Variants in ARIH1 observed in about 807,000 individuals in gnomAD.
ARIH1 encodes the protein ariadne RBR E3 ubiquitin protein ligase 1.
Under a neutral mutation model 85.0 loss-of-function variants are expected in ARIH1, and 8 were observed. The ratio of observed to expected loss-of-function variants is 0.09; its 90% CI spans 0.06 to 0.17. The LOEUF (loss-of-function observed/expected upper bound fraction) is 0.17. Among genes scored for constraint, ARIH1 ranks in the 10% least tolerant of loss-of-function variants. The pLI is 1.00. For synonymous variants in ARIH1, 238 were observed against 253.6 expected, an observed-to-expected ratio of 0.94 and a Z score of 0.59; for missense variants, 311 against 718.1, an observed-to-expected ratio of 0.43 and a Z score of 6.48.
rs977766391 is a variant in ARIH1 at position 72,587,926 on chromosome 15, A to G, written c.*4634A>G. On this transcript the variant is annotated 3_prime_UTR_variant, in exon 14 of 14. Coordinates refer to ENST00000379887, the MANE Select transcript of ARIH1 (RefSeq NM_005744.5). ...GCGGTAGCATTTAGGATGGGAAAAA[A>G]TAATATGAGTTATGTGCGAAAAGCA... The G allele has an allele frequency of 6.6e-6, 1 of 152,178 alleles. No homozygotes were observed. Among genetic ancestry groups the G allele is most frequent in the Non-Finnish European group, 1.5e-5 (1 of 68,040 alleles). 9.4% of individuals were successfully genotyped at this position (152,178 alleles called of 1,614,324 possible).
At chr15:72,506,759 G>A (rs1053187721) in intron 1 of ARIH1, among the ~76,000 whole-genome samples, 7 of 152,096 alleles carry the variant, frequency 4.6e-5, no homozygotes, top group South Asian at 2.1e-4. Flanking sequence ...TTTAATTCTC[G>A]TTCAGATCAA....
chr15:72,474,667 G>A lies in ARIH1; in HGVS notation c.28G>A (p.Glu10Lys). Residue 10 changes from glutamate to lysine, a missense_variant, in exon 1 of 14, where the codon GAG becomes AAG. Glu to Lys is a moderately conservative substitution (Grantham distance 56, BLOSUM62 1). Coordinates refer to ENST00000379887, the MANE Select transcript of ARIH1 (RefSeq NM_005744.5). MDSDEGYNY[E>K]FDEDEECSEE... is the part of the protein sequence containing the mutation. Reference sequence around the variant, plus strand: ...GGACTCGGACGAGGGCTACAACTACGAGTTCGACGAGGACGAGGAGTGCAG... The same window carrying A: ...GGACTCGGACGAGGGCTACAACTACAAGTTCGACGAGGACGAGGAGTGCAG... 3 of 1,558,286 alleles carry A rather than the reference G, an allele frequency of 1.9e-6. No individual in the cohort carries two copies. The highest frequency in any genetic ancestry group is 2.6e-6 in the Non-Finnish European group (3 of 1,153,732).
chr15:72,500,630 A>G (rs965934165), intron 1 of ARIH1, among the ~76,000 whole-genome samples: 13 of 152,236 alleles, frequency 8.5e-5, no homozygotes, highest in African/African-American at 2.9e-4. Flanking sequence ...TAAAATAATG[A>G]TAAGTTATGG....
At chr15:72,494,454 G>T (rs1567338988) in intron 1 of ARIH1, among the ~76,000 whole-genome samples, 1 of 152,154 alleles carries the variant, frequency 6.6e-6, no homozygotes, top group Non-Finnish European at 1.5e-5. Context: ...AGGAATGGAA[G>T]AAGTTGTGGT....
intron 1 of ARIH1, among the ~76,000 whole-genome samples, chr15:72,483,125 G>A (rs942385888): frequency 1.4e-4 from 21 of 152,138 alleles, no homozygotes; most frequent in Admixed American, 5.2e-4. Context: ...GCCTCCTAAA[G>A]TGCTGGGATT....
rs558463978 is a variant in ARIH1, at chr15:72,583,567, C to T, written c.*275C>T. 38 of 337,538 alleles carry T rather than the reference C, an allele frequency of 1.1e-4. No homozygotes were observed. The highest frequency in any genetic ancestry group is 8.2e-4 in the Middle Eastern group (1 of 1,226). The allele number at this position is 337,538 out of a possible 1,614,324, so 20.9% of individuals were successfully genotyped here. A position where few individuals can be genotyped will look rare whatever the true frequency, so the allele number is the denominator to read the frequency against. On this transcript the variant is annotated 3_prime_UTR_variant, in exon 14 of 14. Transcript: ENST00000379887. The stretch of plus-strand genomic sequence containing the variant: ...TTAACTTGTAACGTAGCTTCATTCT[C>T]AAAGCTGACTCCTTTTTTTTCTTTT...
intron 2 of ARIH1, among the ~76,000 whole-genome samples, chr15:72,522,342 C>G (rs1272417743): frequency 6.6e-6 from 1 of 152,076 alleles, no homozygotes; most frequent in Non-Finnish European, 1.5e-5. Context: ...GGTGAAACCC[C>G]ATCTTTACTA....
chr15:72,570,376 C>A, intron 10 of ARIH1, 69 bp downstream of exon 10: 1 of 1,577,394 alleles, frequency 6.3e-7, no homozygotes, highest in South Asian at 1.1e-5. Context: ...AATAACATTT[C>A]TACCTCATAG....
chr15:72,508,625 C>T (rs79377524), intron 1 of ARIH1, among the ~76,000 whole-genome samples: 10 of 151,890 alleles, frequency 6.6e-5, no homozygotes, highest in East Asian at 5.8e-4. Flanking sequence ...GCATTGTGCC[C>T]GGCACTAAAT....
intron 2 of ARIH1, among the ~76,000 whole-genome samples, chr15:72,535,235 G>C (rs940915478): frequency 5.9e-5 from 9 of 152,100 alleles, no homozygotes; most frequent in Non-Finnish European, 8.8e-5. Flanking sequence ...ACAGGCGTGA[G>C]CCACCGCGCC....
At chr15:72,480,411 G>A (rs1176244400) in intron 1 of ARIH1, among the ~76,000 whole-genome samples, 9 of 151,668 alleles carry the variant, frequency 5.9e-5, no homozygotes, top group African/African-American at 1.9e-4. Flanking sequence ...ACAGGCACGC[G>A]CCACCACACC....
At chr15:72,475,206 G>T in intron 1 of ARIH1, 192 bp downstream of exon 1, 1 of 1,252,670 alleles carries the variant, frequency 8.0e-7, no homozygotes, top group Non-Finnish European at 1.0e-6. Context: ...AGCCGGGTGT[G>T]GGGAGGTGCG....
Position 72,583,494 on chromosome 15 carries a change from C to G in ARIH1, c.*202C>G, listed in dbSNP as rs2064302751. ...AGATAAACCATTGTACAACAGTATT[C>G]TAGGCCACCAACAAAAGTGTGACAG... On this transcript the variant is annotated 3_prime_UTR_variant, in exon 14 of 14. Coordinates refer to ENST00000379887, the MANE Select transcript of ARIH1 (RefSeq NM_005744.5). 6.5e-6 allele frequency: 3 copies of G among 464,346 alleles called. No homozygotes were observed. Among genetic ancestry groups the G allele is most frequent in the South Asian group, 5.2e-5 (1 of 19,350 alleles). The allele number at this position is 464,346 out of a possible 1,614,324, so 28.8% of individuals were successfully genotyped here.
chr15:72,590,253 G>C lies in ARIH1; in HGVS notation c.*6961G>C, dbSNP rs1488846941. The C allele has an allele frequency of 6.6e-6, 1 of 152,200 alleles. No individual in the cohort carries two copies. Among genetic ancestry groups the C allele is most frequent in the African/African-American group, 2.4e-5 (1 of 41,446 alleles). 9.4% of individuals were successfully genotyped at this position (152,200 alleles called of 1,614,324 possible). ...CAGAGCCAGCTCTGCTGTTTGACCAGTATATTATTTTCACCATGCTGTATC... is the reference window on the plus strand; with the variant it reads ...CAGAGCCAGCTCTGCTGTTTGACCACTATATTATTTTCACCATGCTGTATC... On this transcript the variant is annotated 3_prime_UTR_variant, in exon 14 of 14. Coordinates refer to ENST00000379887, the MANE Select transcript of ARIH1 (RefSeq NM_005744.5).
chr15:72,576,199 G>A (rs1349621673), intron 11 of ARIH1, among the ~76,000 whole-genome samples: 2 of 152,034 alleles, frequency 1.3e-5, no homozygotes, highest in Admixed American at 6.6e-5. Flanking sequence ...AAGAACATAC[G>A]TGTGTTAGGA....
chr15:72,548,358 C>G (rs2064138484), intron 3 of ARIH1, among the ~76,000 whole-genome samples: 1 of 151,894 alleles, frequency 6.6e-6, no homozygotes, highest in South Asian at 2.1e-4. Context: ...CTAAAAGATT[C>G]AGAGAAAAGA....
chr15:72,532,299 T>G (rs747142939), intron 2 of ARIH1, among the ~76,000 whole-genome samples: 2 of 151,922 alleles, frequency 1.3e-5, no homozygotes, highest in African/African-American at 2.4e-5. Flanking sequence ...AAAAAAACTC[T>G]TAAAATTATG....
chr15:72,507,445 T>C (rs1057056852), intron 1 of ARIH1, among the ~76,000 whole-genome samples: 3 of 152,172 alleles, frequency 2.0e-5, no homozygotes, highest in Non-Finnish European at 4.4e-5. Context: ...TTGGGAGTTT[T>C]TGAAAATGGT....
At position 72,584,846 on chromosome 15, in the gene ARIH1, A is replaced by G. The variant is rs1424729407; in HGVS notation, c.*1554A>G. On this transcript the variant is annotated 3_prime_UTR_variant, in exon 14 of 14. Coordinates refer to ENST00000379887, the MANE Select transcript of ARIH1 (RefSeq NM_005744.5). ...GCCATTCTGGCTGTGGTATTTTTCA[A>G]TAGGTCAGCATCTGTAAATCTGTCA... 1.3e-5 allele frequency: 2 copies of G among 151,240 alleles called. No individual in the cohort carries two copies. Among genetic ancestry groups the G allele is most frequent in the African/African-American group, 2.4e-5 (1 of 41,046 alleles). The allele number at this position is 151,240 out of a possible 1,614,324, so 9.4% of individuals were successfully genotyped here.
Sources: gnomAD v4.1 joint callset for allele counts (sites outside exome capture counted in the v4.1 genomes callset) on GRCh38, gnomAD v4.1.1 for gene constraint, MANE v1.5 for transcripts, NCBI Gene and HGNC (gene_info 2026-07-23, HGNC 2026-07-21) for gene names.